Variants in AKR1C2 observed in about 807,000 individuals in gnomAD.
AKR1C2 encodes aldo-keto reductase family 1 member C2, also known as 3-alpha-HSD3.
Under a neutral mutation model 39.8 loss-of-function variants are expected in AKR1C2, and 27 were observed. The ratio of observed to expected loss-of-function variants is 0.68; its 90% CI spans 0.50 to 0.93. AKR1C2 has a LOEUF of 0.93. AKR1C2 is among the 40% of genes least tolerant of loss of function. The probability of loss-of-function intolerance (pLI) is 0.00; values close to 1 mark genes in which losing one functional copy is unlikely to be tolerated. For synonymous variants in AKR1C2, 114 were observed against 137.9 expected, an observed-to-expected ratio of 0.83 and a Z score of 1.22; for missense variants, 263 against 365.1, an observed-to-expected ratio of 0.72 and a Z score of 2.28.
chr10:4,996,180 G>T, intron 5 of AKR1C2: 1 of 254,622 alleles, frequency 3.9e-6, no homozygotes, highest in South Asian at 5.6e-5. Flanking sequence ...ATCAAATCGT[G>T]CCAGAAATCA....
upstream of AKR1C2, among the ~76,000 whole-genome samples, chr10:5,008,886 C>T (rs1278920677): frequency 6.6e-6 from 1 of 152,126 alleles, no homozygotes; most frequent in Non-Finnish European, 1.5e-5. Flanking sequence ...CTGAGATTTC[C>T]TGTTTGGTTG....
chr10:5,009,324 C>G (rs1837471433), intron 1 of AKR1C2, among the ~76,000 whole-genome samples: 1 of 152,126 alleles, frequency 6.6e-6, no homozygotes, highest in Non-Finnish European at 1.5e-5. Flanking sequence ...TTTGAGACGT[C>G]TGCCTTGTCT....
chr10:5,006,469 G>A (rs1442231930), upstream of AKR1C2: 4 of 152,112 alleles, frequency 2.6e-5, no homozygotes, highest in Non-Finnish European at 5.9e-5. Flanking sequence ...TGGTCATGGG[G>A]GCGCACATCT....
chr10:4,997,958 C>T (rs1250922244), intron 5 of AKR1C2, among the ~76,000 whole-genome samples: 4 of 151,934 alleles, frequency 2.6e-5, no homozygotes, highest in African/African-American at 7.2e-5. Context: ...TGACAGACTC[C>T]AAAAAGCAGC....
At chr10:4,994,542 A>T (rs2131679130) in intron 7 of AKR1C2, among the ~76,000 whole-genome samples, 1 of 152,302 alleles carries the variant, frequency 6.6e-6, no homozygotes, top group Middle Eastern at 3.4e-3. Context: ...GGCTTTGCAC[A>T]TGTCCATTCA....
intron 4 of AKR1C2, among the ~76,000 whole-genome samples, 167 bp from the exon 5 acceptor site, chr10:4,998,914 G>A (rs1837159679): frequency 6.6e-6 from 1 of 152,196 alleles, no homozygotes. Context: ...GAAGAAGATA[G>A]TGATTGCAAG....
chr10:4,997,843 A>G (rs7902108), intron 5 of AKR1C2, among the ~76,000 whole-genome samples: 2,218 of 152,312 alleles, frequency 0.015, 51 homozygotes, highest in African/African-American at 0.05. Flanking sequence ...CAATTTGATC[A>G]AGGAGGCCTG....
In AKR1C2 at chr10:5,016,217, A is replaced by C. The variant is rs146817965; in HGVS notation, c.-88+1683T>G. Among the ~76,000 whole-genome samples, 7 of 152,254 alleles carry C rather than the reference A, an allele frequency of 4.6e-5. No individual in the cohort carries two copies. In the East Asian group the frequency reaches 1.3e-3, roughly 29 times the overall value. ...ATTATGCCTTCCTAACAGTCCCCCA[A>C]AGTCTTAACTTATTTCAGCATTAGC... is the stretch of plus-strand genomic sequence containing the variant. On this transcript the variant is annotated intron_variant, in intron 1 of 6. Coordinates refer to the AKR1C2 transcript ENST00000604507.
intron 1 of AKR1C2, among the ~76,000 whole-genome samples, chr10:5,014,525 G>C (rs12769178): frequency 0.15 from 23,410 of 151,986 alleles, 1,905 homozygotes; most frequent in Non-Finnish European, 0.18. Flanking sequence ...TCATCATTTA[G>C]TTTTCAACCT....
chr10:4,997,128 A>G (rs1441805998), intron 5 of AKR1C2: 1 of 152,220 alleles, frequency 6.6e-6, no homozygotes, highest in Non-Finnish European at 1.5e-5. Context: ...CTGTGATTGT[A>G]TGCAGTCTAG....
At chr10:4,993,400 T>C (rs1305713729) in intron 7 of AKR1C2, among the ~76,000 whole-genome samples, 2 of 152,100 alleles carry the variant, frequency 1.3e-5, no homozygotes, top group Non-Finnish European at 2.9e-5. Context: ...ATATAAACTT[T>C]TCAATAAATG....
chr10:4,990,724 A>G (rs1554772092), intron 8 of AKR1C2, among the ~76,000 whole-genome samples: 2 of 152,112 alleles, frequency 1.3e-5, no homozygotes, highest in Middle Eastern at 3.2e-3. Flanking sequence ...TTACACCGAG[A>G]GCAAACACTT....
upstream of AKR1C2, among the ~76,000 whole-genome samples, chr10:5,005,082 G>A (rs1208311982): frequency 6.6e-6 from 1 of 151,718 alleles, no homozygotes; most frequent in Non-Finnish European, 1.5e-5. Context: ...GATGTTATAG[G>A]CAAAAGGCCA....
In AKR1C2 at chr10:4,998,673, C is replaced by T. The variant is rs782339266; in HGVS notation, c.522G>A (p.Glu174=). ...TGAGCCCTGGCTTGTTGAGGATCAT[C>T]TCCAGCAGCCTGTGGTTGAAGTTGG... ...GVSNFNHRLL[E]MILNKPGLKY... is the part of the protein sequence containing the mutation. Residue 174 remains glutamate (E), a synonymous_variant, in exon 5 of 9, where the codon GAG becomes GAA. Transcript: ENST00000380753. The T allele has an allele frequency of 1.9e-6, 3 of 1,614,186 alleles. No homozygotes were observed. Among genetic ancestry groups the T allele is most frequent in the Non-Finnish European group, 2.5e-6 (3 of 1,180,032 alleles).
At chr10:5,007,249 T>C (rs540689793), upstream of AKR1C2, among the ~76,000 whole-genome samples, 3 of 139,580 alleles carry the variant, frequency 2.1e-5, no homozygotes, top group East Asian at 2.3e-4. Context: ...CTCGTAAAGG[T>C]AGGTGTATGA....
Position 5,000,690 on chromosome 10 carries a change from T to G in AKR1C2, c.253-24A>C. The G allele has an allele frequency of 1.9e-6, 3 of 1,598,016 alleles. No homozygotes were observed. In the East Asian group the frequency reaches 6.7e-5, roughly 36 times the overall value. Reference sequence around the variant, plus strand: ...AGCTGCAGAGGTTAGAGAAACGAAGTTGTGTAATGAAAACTTGAGCCAGTT... The same window carrying G: ...AGCTGCAGAGGTTAGAGAAACGAAGGTGTGTAATGAAAACTTGAGCCAGTT... On this transcript the variant is annotated intron_variant, in intron 2 of 8. Transcript: ENST00000380753.
chr10:4,997,960 A>G (rs1554773301), intron 5 of AKR1C2, among the ~76,000 whole-genome samples: 2 of 152,178 alleles, frequency 1.3e-5, no homozygotes, highest in East Asian at 3.9e-4. Flanking sequence ...ACAGACTCCA[A>G]AAAGCAGCCG....
At chr10:5,013,969 G>A (rs1837576917) in intron 1 of AKR1C2, among the ~76,000 whole-genome samples, 1 of 152,030 alleles carries the variant, frequency 6.6e-6, no homozygotes, top group Non-Finnish European at 1.5e-5. Flanking sequence ...TTGTCCTTTT[G>A]TGTCTGGTTT....
intron 7 of AKR1C2, among the ~76,000 whole-genome samples, chr10:4,993,964 G>A (rs1836930625): frequency 6.6e-6 from 1 of 151,380 alleles, no homozygotes; most frequent in Non-Finnish European, 1.5e-5. Context: ...TTTAATGAAT[G>A]CCATTACCTA....
Sources: allele counts gnomAD v4.1 joint callset (sites outside exome capture counted in the v4.1 genomes callset), GRCh38; gene constraint gnomAD v4.1.1; transcripts MANE v1.5; gene names NCBI Gene and HGNC (gene_info 2026-07-23, HGNC 2026-07-21).